CTNNA2: variants seen among roughly 807,000 people sequenced by gnomAD.
CTNNA2 encodes catenin alpha 2.
A neutral mutation model predicts 101.0 loss-of-function variants in CTNNA2; 42 were observed. That is an observed-to-expected ratio of 0.42 (90% CI 0.32 to 0.54). The LOEUF (loss-of-function observed/expected upper bound fraction) is 0.54. CTNNA2 is among the 20% of genes least tolerant of loss of function. CTNNA2 has a pLI of 0.14. For synonymous variants in CTNNA2, 450 were observed against 456.4 expected (o/e 0.99, Z 0.18); for missense variants, 871 against 1,223.1 (o/e 0.71, Z 4.29).
At chr2:79,870,535 A>G (rs1420328158) in intron 5 of CTNNA2, among the ~76,000 whole-genome samples, 2 of 152,058 alleles carry the variant, frequency 1.3e-5, no homozygotes, top group Non-Finnish European at 2.9e-5. Context: ...AGTCACTCTC[A>G]TGATGCTGTG....
chr2:79,825,090 G>A (rs1028097081), intron 3 of CTNNA2, among the ~76,000 whole-genome samples: 1 of 152,180 alleles, frequency 6.6e-6, no homozygotes, highest in Admixed American at 6.5e-5. Flanking sequence ...TTAGGAGGCT[G>A]AGATGGGAAG....
chr2:79,403,554 A>T (rs1678311259), intron 4 of CTNNA2, among the ~76,000 whole-genome samples: 1 of 152,006 alleles, frequency 6.6e-6, no homozygotes, highest in Admixed American at 6.6e-5. Context: ...CCTAATCTAG[A>T]ATATATCACA....
At chr2:80,441,884 G>C (rs1202508447) in intron 9 of CTNNA2, among the ~76,000 whole-genome samples, 4 of 152,206 alleles carry the variant, frequency 2.6e-5, no homozygotes, top group African/African-American at 9.6e-5. Flanking sequence ...TGAGGAGCAA[G>C]ACATGCCGAG....
intron 11 of CTNNA2, among the ~76,000 whole-genome samples, chr2:80,547,813 C>T (rs1485159577): frequency 2.0e-5 from 3 of 151,672 alleles, no homozygotes; most frequent in African/African-American, 7.3e-5. Context: ...CCTCAGCCTC[C>T]AGAGTAGCTG....
intron 7 of CTNNA2, among the ~76,000 whole-genome samples, chr2:80,088,966 G>A (rs1699611161): frequency 6.6e-6 from 1 of 151,898 alleles, no homozygotes. Context: ...CAGCAAATTG[G>A]AGAGTGTGAT....
chr2:79,218,353 T>TGTGTGTG (rs1305328019), intron 2 of CTNNA2, among the ~76,000 whole-genome samples: 2 of 30,210 alleles, frequency 6.6e-5, no homozygotes, highest in East Asian at 4.5e-3. Context: ...GTGTGTGTAT[T>TGTGTGTG]TTTTTTTTTT....
chr2:79,782,590 A>G (rs746702173), intron 3 of CTNNA2, among the ~76,000 whole-genome samples: 4 of 152,120 alleles, frequency 2.6e-5, no homozygotes, highest in Non-Finnish European at 4.4e-5. Context: ...GTACCATTTA[A>G]CTTGGAGGAA....
At position 80,450,767 on chromosome 2, in the gene CTNNA2, A is replaced by C. The variant is rs77094962; in HGVS notation, c.1290+31166A>C. The stretch of plus-strand genomic sequence containing the variant: ...AAAGTAATCAAAGTCTTCTTCTAAG[A>C]GCACTTGTTGATGGCAGAACTGTAT... On this transcript the variant is annotated intron_variant, in intron 9 of 18. Transcript: ENST00000402739. Among the ~76,000 whole-genome samples the C allele has an allele frequency of 2.9e-3, 436 of 152,306 alleles. 2 individuals carry two copies. The highest frequency in any genetic ancestry group is 0.01 in the African/African-American group (424 of 41,570).
In CTNNA2 at chr2:80,052,677, G is replaced by C. The variant is rs149724861; in HGVS notation, c.1056+142880G>C. 4.5e-3 allele frequency among the ~76,000 whole-genome samples: 688 copies of C among 152,340 alleles called. 5 individuals are homozygous for C. The highest frequency in any genetic ancestry group is 0.015 in the African/African-American group (643 of 41,584). On this transcript the variant is annotated intron_variant, in intron 7 of 18. Transcript: ENST00000402739. Reference sequence around the variant, plus strand: ...TTAAAACCAGGTACATTTAGTAACTGAAGTAGTGTAACTATGAATTATCAT... The same window carrying C: ...TTAAAACCAGGTACATTTAGTAACTCAAGTAGTGTAACTATGAATTATCAT...
At chr2:79,245,805 T>C (rs951020354) in intron 2 of CTNNA2, among the ~76,000 whole-genome samples, 3 of 152,198 alleles carry the variant, frequency 2.0e-5, no homozygotes, top group Non-Finnish European at 4.4e-5. Flanking sequence ...TCTTTCCTAA[T>C]GTTTTGAGCT....
intron 6 of CTNNA2, among the ~76,000 whole-genome samples, chr2:79,906,454 A>G (rs1685432914): frequency 6.6e-6 from 1 of 152,088 alleles, no homozygotes; most frequent in Non-Finnish European, 1.5e-5. Context: ...CACATCCATC[A>G]TTGCAATGCT....
intron 2 of CTNNA2, among the ~76,000 whole-genome samples, chr2:79,674,651 C>T (rs184616462): frequency 3.3e-5 from 5 of 151,982 alleles, no homozygotes; most frequent in African/African-American, 9.7e-5. Flanking sequence ...GTATGTAGAC[C>T]GCCTATGTAA....
intron 9 of CTNNA2, among the ~76,000 whole-genome samples, chr2:80,444,841 A>C (rs1004669650): frequency 2.0e-5 from 3 of 152,132 alleles, no homozygotes; most frequent in Non-Finnish European, 4.4e-5. Flanking sequence ...GGAGAAAATA[A>C]AGTTCTGTTG....
chr2:79,609,401 C>T (rs1182232098), intron 1 of CTNNA2, among the ~76,000 whole-genome samples: 1 of 151,964 alleles, frequency 6.6e-6, no homozygotes, highest in African/African-American at 2.4e-5. Context: ...TATATGCAAT[C>T]TCAATCAAAA....
chr2:79,288,476 A>C (rs1039576856), intron 2 of CTNNA2, among the ~76,000 whole-genome samples: 1 of 152,180 alleles, frequency 6.6e-6, no homozygotes, highest in African/African-American at 2.4e-5. Flanking sequence ...GCTGTAGCTG[A>C]AGCTACTGGA....
chr2:79,661,301 C>T (rs1323363035), intron 2 of CTNNA2, among the ~76,000 whole-genome samples: 2 of 152,214 alleles, frequency 1.3e-5, no homozygotes, highest in Non-Finnish European at 2.9e-5. Context: ...TACAAGCTAA[C>T]TATATTAACA....
chr2:80,035,341 T>C (rs993695490), intron 7 of CTNNA2, among the ~76,000 whole-genome samples: 1 of 152,182 alleles, frequency 6.6e-6, no homozygotes, highest in Non-Finnish European at 1.5e-5. Flanking sequence ...GAAACGAAGA[T>C]AATCACTACC....
chr2:79,210,025 C>A (rs1674150740), intron 2 of CTNNA2, among the ~76,000 whole-genome samples: 1 of 151,082 alleles, frequency 6.6e-6, no homozygotes, highest in African/African-American at 2.4e-5. Context: ...TTATGACCAT[C>A]CACTGTTTCT....
chr2:80,591,926 C>A (rs1001850992), intron 15 of CTNNA2, among the ~76,000 whole-genome samples: 2 of 152,096 alleles, frequency 1.3e-5, no homozygotes, highest in African/African-American at 2.4e-5. Flanking sequence ...TTCTTGACTT[C>A]CATCTCATGG....
Sources: gnomAD v4.1 joint callset for allele counts (sites outside exome capture counted in the v4.1 genomes callset) on GRCh38, gnomAD v4.1.1 for gene constraint, MANE v1.5 for transcripts, NCBI Gene and HGNC (gene_info 2026-07-23, HGNC 2026-07-21) for gene names.